The following FIP1L1 variants were observed in gnomAD, a reference collection of about 807,000 sequenced individuals.
FIP1L1 encodes the protein pre-mRNA 3'-end-processing factor FIP1.
In FIP1L1, 21 loss-of-function variants were observed where a neutral mutation model predicts 84.6. That is an observed-to-expected ratio of 0.25 (90% CI 0.18 to 0.36). The LOEUF is 0.36. Among genes scored for constraint, FIP1L1 ranks in the 10% least tolerant of loss-of-function variants. The pLI is 1.00. For missense variants in FIP1L1, 526 were observed against 751.1 expected (o/e 0.70, Z 3.50); for synonymous variants, 263 against 242.3 (o/e 1.09, Z -0.80).
chr4:53,378,066 G>T (rs994334573), intron 1 of FIP1L1, 143 bp downstream of exon 1: 2 of 683,692 alleles, frequency 2.9e-6, no homozygotes, highest in Non-Finnish European at 2.3e-6. Flanking sequence ...GGCCGAGCGC[G>T]GCGTGCGCGT....
At chr4:53,442,844 A>AG in intron 14 of FIP1L1, 137 bp downstream of exon 14, 2 of 550,014 alleles carry the variant, frequency 3.6e-6, no homozygotes, top group Non-Finnish European at 6.3e-6. Flanking sequence ...GATCTATGTT[A>AG]GTTACTTTTA....
At chr4:53,429,838 A>G (rs1375760485) in intron 13 of FIP1L1, among the ~76,000 whole-genome samples, 1 of 152,192 alleles carries the variant, frequency 6.6e-6, no homozygotes, top group Non-Finnish European at 1.5e-5. Flanking sequence ...AGCAGTTTTG[A>G]AATATACGGT....
chr4:53,425,742 A>G (rs1269299141), intron 11 of FIP1L1, 130 bp from the exon 12 acceptor site: 8 of 611,706 alleles, frequency 1.3e-5, no homozygotes, highest in Admixed American at 6.4e-5. Flanking sequence ...ATATTTTTCA[A>G]TGTGTATTGT....
intron 13 of FIP1L1, among the ~76,000 whole-genome samples, chr4:53,432,237 A>C (rs1767013886): frequency 6.6e-6 from 1 of 151,790 alleles, no homozygotes; most frequent in Non-Finnish European, 1.5e-5. Context: ...CTTTACTAAA[A>C]ATATGAAAAA....
intron 11 of FIP1L1, among the ~76,000 whole-genome samples, chr4:53,418,736 A>T (rs1760912469): frequency 6.6e-6 from 1 of 152,236 alleles, no homozygotes; most frequent in African/African-American, 2.4e-5. Flanking sequence ...ACTGATTCAT[A>T]CTCTTGAATG....
chr4:53,378,332 AAC>A lies in FIP1L1; in HGVS notation c.85+411_85+412del, dbSNP rs557441737. 1,092 of 172,420 alleles carry A rather than the reference AAC, an allele frequency of 6.3e-3. 5 individuals are homozygous for A. The highest frequency in any genetic ancestry group is 9.7e-3 in the Non-Finnish European group (785 of 81,172). The allele number at this position is 172,420 out of a possible 1,614,324, so 10.7% of individuals were successfully genotyped here. A position where few individuals can be genotyped will look rare whatever the true frequency, so the allele number is the denominator to read the frequency against. Reference sequence around the variant, plus strand: ...TGCCCTTCCTGTCCCTTCTTTCAGAAACAGTCATTCTGTAATAATAGCTAAAT... The same window carrying A: ...TGCCCTTCCTGTCCCTTCTTTCAGAAAGTCATTCTGTAATAATAGCTAAAT... On this transcript the variant is annotated intron_variant, in intron 1 of 17. Transcript: ENST00000337488.
intron 10 of FIP1L1, among the ~76,000 whole-genome samples, chr4:53,409,672 A>G (rs1756005100): frequency 6.6e-6 from 1 of 152,106 alleles, no homozygotes; most frequent in South Asian, 2.1e-4. Context: ...TGCTTTGTTT[A>G]CTTAAGGAAG....
intron 10 of FIP1L1, among the ~76,000 whole-genome samples, chr4:53,400,986 G>T (rs1749935037): frequency 6.6e-6 from 1 of 152,156 alleles, no homozygotes; most frequent in African/African-American, 2.4e-5. Context: ...TTGGACTCTG[G>T]AGTCAGATTT....
chr4:53,419,639 A>ATCT (rs1761287255), intron 11 of FIP1L1, among the ~76,000 whole-genome samples: 2 of 151,888 alleles, frequency 1.3e-5, no homozygotes, highest in Admixed American at 6.6e-5. Context: ...AGGTCTCACT[A>ATCT]TGTTGCTCAG....
intron 13 of FIP1L1, among the ~76,000 whole-genome samples, chr4:53,431,702 A>G (rs1766756314): frequency 6.6e-6 from 1 of 152,214 alleles, no homozygotes; most frequent in Admixed American, 6.5e-5. Flanking sequence ...CTATCCCAGC[A>G]TAATTATTAT....
intron 11 of FIP1L1, among the ~76,000 whole-genome samples, chr4:53,417,646 A>AC (rs971013855): frequency 6.8e-6 from 1 of 147,622 alleles, no homozygotes; most frequent in Non-Finnish European, 1.5e-5. Context: ...CCTTCTCAAA[A>AC]AAAAAAAAAA....
In FIP1L1 at chr4:53,377,890, G is replaced by C. The variant is rs752574982; in HGVS notation, c.52G>C (p.Gly18Arg). 2.5e-6 allele frequency: 4 copies of C among 1,601,342 alleles called. No homozygotes were observed. The highest frequency in any genetic ancestry group is 3.4e-6 in the Non-Finnish European group (4 of 1,174,060). ...AGTGTCGGAGCTGAGCGGCGGGACC[G>C]GAGGGGATGAGGAGGAAGAGTGGCT... ...RLVSELSGGT[G>R]GDEEEEWLYG... The change falls in exon 1 of 18, where the codon GGA (glycine) becomes CGA (arginine). Residue 18 changes from glycine (G) to arginine (R), a missense_variant. Physicochemically the swap from Gly to Arg is moderately radical, Grantham distance 125 (BLOSUM62 -2). Coordinates refer to ENST00000337488, the MANE Select transcript of FIP1L1 (RefSeq NM_030917.4).
chr4:53,406,489 A>G (rs1482666329), intron 10 of FIP1L1, among the ~76,000 whole-genome samples: 9 of 151,934 alleles, frequency 5.9e-5, no homozygotes, highest in Non-Finnish European at 1.3e-4. Context: ...TTGTTTCTCT[A>G]CCCGGCTTTG....
chr4:53,453,031 A>C lies in FIP1L1; in HGVS notation c.1397A>C (p.Asp466Ala). ...GAGAAAGACCGAGATAGAGAGAGAG[A>C]CAGAGACAGAGAGCGAGACCGTGAT... ...RREKDRDRER[D>A]RDRERDRDRD... Residue 466 changes from aspartate to alanine, a missense_variant, in exon 16 of 18, where the codon GAC (aspartate) becomes GCC (alanine). Coordinates refer to ENST00000337488, the MANE Select transcript of FIP1L1 (RefSeq NM_030917.4). 1 of 1,612,848 alleles carries C rather than the reference A, an allele frequency of 6.2e-7. No individual in the cohort carries two copies. Among genetic ancestry groups the C allele is most frequent in the Non-Finnish European group, 8.5e-7 (1 of 1,178,938 alleles).
chr4:53,445,788 G>A lies in FIP1L1; in HGVS notation c.1285+1685G>A, dbSNP rs556945597. ...ACCTTTGTCTTTGTAAACTTACATC[G>A]TGCTTTTAGGCAAATTAGGGAGGGC... On this transcript the variant is annotated intron_variant, in intron 15 of 17. Coordinates refer to ENST00000337488, the MANE Select transcript of FIP1L1 (RefSeq NM_030917.4). Among the ~76,000 whole-genome samples, 7 of 152,242 alleles carry A rather than the reference G, an allele frequency of 4.6e-5. No homozygotes were observed. The East Asian group carries it at 7.7e-4, about 17-fold the overall frequency.
At chr4:53,440,047 T>A (rs1771224992) in intron 13 of FIP1L1, among the ~76,000 whole-genome samples, 1 of 151,960 alleles carries the variant, frequency 6.6e-6, no homozygotes, top group Admixed American at 6.6e-5. Flanking sequence ...CCCCTTTCTC[T>A]CCTACAAATC....
At chr4:53,444,795 C>T (rs1773494982) in intron 15 of FIP1L1, among the ~76,000 whole-genome samples, 1 of 152,058 alleles carries the variant, frequency 6.6e-6, no homozygotes, top group Non-Finnish European at 1.5e-5. Context: ...TGGTCTTGAA[C>T]TCCTGGGCTC....
At chr4:53,389,559 T>C (rs1258590809) in intron 5 of FIP1L1, among the ~76,000 whole-genome samples, 1 of 152,228 alleles carries the variant, frequency 6.6e-6, no homozygotes, top group Non-Finnish European at 1.5e-5. Context: ...GGCTCACTCT[T>C]GTAATCTCAG....
At chr4:53,422,922 C>T (rs1327634764) in intron 11 of FIP1L1, among the ~76,000 whole-genome samples, 1 of 152,058 alleles carries the variant, frequency 6.6e-6, no homozygotes, top group African/African-American at 2.4e-5. Flanking sequence ...CGCCATGTTG[C>T]CCAGGCTGGT....
Sources: gnomAD v4.1 joint callset for allele counts (sites outside exome capture counted in the v4.1 genomes callset) on GRCh38, gnomAD v4.1.1 for gene constraint, MANE v1.5 for transcripts, NCBI Gene and HGNC (gene_info 2026-07-23, HGNC 2026-07-21) for gene names.